CELSR2: variants seen among roughly 807,000 people sequenced by gnomAD.
The protein encoded by CELSR2 is cadherin EGF LAG seven-pass G-type receptor 2, also known as EGF-like protein 2.
Under a neutral mutation model 251.6 loss-of-function variants are expected in CELSR2, and 81 were observed. The observed-to-expected ratio is 0.32, with a 90% CI of 0.27 to 0.39. The LOEUF (loss-of-function observed/expected upper bound fraction) is 0.39. Among genes scored for constraint, CELSR2 ranks in the 10% least tolerant of loss-of-function variants. The pLI, the probability that CELSR2 is intolerant of heterozygous loss-of-function variation, is 1.00. For missense variants in CELSR2, 3,365 were observed against 3,947.7 expected, an observed-to-expected ratio of 0.85 and a Z score of 3.96; for synonymous variants, 1,721 against 1,670.5, an observed-to-expected ratio of 1.03 and a Z score of -0.74.
rs764166933 is a variant in CELSR2, at chr1:109,251,371, A to G, written c.1292A>G (p.Asn431Ser). Residue 431 changes from asparagine to serine, a missense_variant, in exon 1 of 34, where the codon AAT (asparagine) becomes AGT (serine). Asn to Ser is a conservative substitution (Grantham distance 46). Transcript: ENST00000271332. The surrounding 1 kb of genome is among the most constrained non-coding windows in gnomAD (Gnocchi z 4.9). ...VTASDRDKGS[N>S]AVVHYSIMSG... is the part of the protein sequence containing the mutation. ...GCCTCGGATCGAGACAAGGGGAGCA[A>G]TGCCGTGGTGCACTATAGCATCATG... The G allele has an allele frequency of 8.1e-6, 13 of 1,614,064 alleles. No individual in the cohort carries two copies. The South Asian group carries it at 1.1e-4, about 14-fold the overall frequency.
Position 109,251,255 on chromosome 1 carries a change from C to T in CELSR2, c.1176C>T (p.Asp392=). ...CTGTTTTCCTTTCTGTGGAGGATGA[C>T]AATGATAATGCCCCCCAGTTTAGTG... ...TAAVFLSVED[D]NDNAPQFSEK... The change falls in exon 1 of 34, where the codon GAC becomes GAT. Residue 392 remains aspartate, a synonymous_variant. Transcript: ENST00000271332. This position sits in a 1 kb window ranked among gnomAD's most constrained non-coding sequence, Gnocchi z 4.9. 6.2e-7 allele frequency: 1 copy of T among 1,614,106 alleles called. No individual in the cohort carries two copies. The highest frequency in any genetic ancestry group is 1.1e-5 in the South Asian group (1 of 91,070).
At chr1:109,272,589 C>A (rs75951814) in intron 29 of CELSR2, 51 bp from the exon 30 acceptor site, 78,524 of 1,557,710 alleles carry the variant, frequency 0.05, 2,642 homozygotes, top group Admixed American at 0.12. Flanking sequence ...GAGACTGGGA[C>A]CCTGGGCAAG....
chr1:109,255,986 G>A (rs1655831719), intron 1 of CELSR2, among the ~76,000 whole-genome samples: 1 of 152,194 alleles, frequency 6.6e-6, no homozygotes, highest in African/African-American at 2.4e-5. Context: ...AGGGCTGAGG[G>A]GTGGCAAAGT....
rs1398725816 is a variant in CELSR2 at position 109,258,884 on chromosome 1, T to A, written c.3763T>A (p.Phe1255Ile). 23 of 1,612,396 alleles carry A rather than the reference T, an allele frequency of 1.4e-5. No individual in the cohort carries two copies. Among genetic ancestry groups the A allele is most frequent in the Non-Finnish European group, 2.0e-5 (23 of 1,179,450 alleles). The change falls in exon 2 of 34, where the codon TTC (phenylalanine) becomes ATC (isoleucine). Residue 1255 changes from phenylalanine (F) to isoleucine (I), a missense_variant. By Grantham distance (21) the Phe-to-Ile change is conservative. Transcript: ENST00000271332. The part of the protein sequence containing the change: ...SVLRFDSSAP[F>I]IASSSVLFRP... Reference sequence around the variant, plus strand: ...GCTGCGCTTCGACTCCTCCGCGCCCTTCATCGCCTCCTCCTCCGTGCTCTT... The same window carrying A: ...GCTGCGCTTCGACTCCTCCGCGCCCATCATCGCCTCCTCCTCCGTGCTCTT...
rs1439398168 is a variant in CELSR2 at position 109,273,669 on chromosome 1, G to A, written c.8743G>A (p.Glu2915Lys). The A allele has an allele frequency of 5.2e-6, 7 of 1,344,214 alleles. No homozygotes were observed. Among genetic ancestry groups the A allele is most frequent in the East Asian group, 2.6e-5 (1 of 39,024 alleles). 83.3% of individuals were successfully genotyped at this position (1,344,214 alleles called of 1,614,324 possible). The change falls in exon 33 of 34, where the codon GAA becomes AAA. Residue 2915 changes from glutamate to lysine, a missense_variant and splice_region_variant. Physicochemically the swap from Glu to Lys is moderately conservative, Grantham distance 56 (BLOSUM62 1). Around this residue, in one of 5 missense-constraint regions of CELSR2, gnomAD observed 2,093 missense variants for 2,382.8 expected, o/e 0.88. Transcript: ENST00000271332. ...GTVDEDSSGS[E>K]FLFFNFLH Reference sequence around the variant, plus strand: ...GGTGGATGAGGACTCGTCAGGCTCCGAGTGAGTGTGGCCGGGTGGGCGGGA... The same window carrying A: ...GGTGGATGAGGACTCGTCAGGCTCCAAGTGAGTGTGGCCGGGTGGGCGGGA...
chr1:109,272,454 A>G (rs570604922), intron 29 of CELSR2, 49 bp downstream of exon 29: 12 of 1,575,492 alleles, frequency 7.6e-6, no homozygotes, highest in African/African-American at 6.7e-5. Flanking sequence ...GGGCCCACGC[A>G]TGCTGGACCC....
chr1:109,273,932 C>T, intron 33 of CELSR2, 90 bp from the exon 34 acceptor site: 2 of 1,536,918 alleles, frequency 1.3e-6, no homozygotes, highest in Non-Finnish European at 1.8e-6. Context: ...TTTCCTGTTT[C>T]CTTCGTCTGG....
Position 109,269,330 on chromosome 1 carries a change from C to A in CELSR2, c.6812+40C>A. ...GACAGGTGTGGGTAGGGGTATGGGTCGGGCGGTGAGTGCTGAGGCATGGAG... is the reference window on the plus strand; with the variant it reads ...GACAGGTGTGGGTAGGGGTATGGGTAGGGCGGTGAGTGCTGAGGCATGGAG... On this transcript the variant is annotated intron_variant, in intron 20 of 33. Coordinates refer to ENST00000271332, the MANE Select transcript of CELSR2 (RefSeq NM_001408.3). This position sits in a 1 kb window ranked among gnomAD's most constrained non-coding sequence, Gnocchi z 6.4. The A allele has an allele frequency of 6.2e-7, 1 of 1,611,444 alleles. No homozygotes were observed. Among genetic ancestry groups the A allele is most frequent in the South Asian group, 1.1e-5 (1 of 90,888 alleles).
At position 109,269,849 on chromosome 1, in the gene CELSR2, C is replaced by A. The variant is rs370030340; in HGVS notation, c.7107+29C>A. On this transcript the variant is annotated intron_variant, in intron 22 of 33. Coordinates refer to ENST00000271332, the MANE Select transcript of CELSR2 (RefSeq NM_001408.3). This position sits in a 1 kb window ranked among gnomAD's most constrained non-coding sequence, Gnocchi z 6.4. ...GGGCCCACAGGGGCAGCTGCAGAGC[C>A]GTGGGTGGGCACCCAGGGCACGGGG... The A allele has an allele frequency of 2.5e-6, 4 of 1,612,898 alleles. No homozygotes were observed. In the Admixed American group the frequency reaches 5.0e-5, roughly 20 times the overall value.
At position 109,252,622 on chromosome 1, in the gene CELSR2, G is replaced by A. The variant is rs1026244756; in HGVS notation, c.2543G>A (p.Gly848Asp). 1 of 1,613,720 alleles carries A rather than the reference G, an allele frequency of 6.2e-7. No individual in the cohort carries two copies. Among genetic ancestry groups the A allele is most frequent in the Non-Finnish European group, 8.5e-7 (1 of 1,180,050 alleles). Residue 848 changes from glycine (G) to aspartate (D), a missense_variant, in exon 1 of 34, where the codon GGC (glycine) becomes GAC (aspartate). Around this residue, in one of 5 missense-constraint regions of CELSR2, gnomAD observed 505 missense variants for 660.0 expected, o/e 0.77. Transcript: ENST00000271332. This position sits in a 1 kb window ranked among gnomAD's most constrained non-coding sequence, Gnocchi z 4.8. ...SATDRDSGLN[G>D]RVFYTFQGGD... ...ACTGATCGTGATTCTGGACTTAATGGCAGGGTCTTCTACACCTTCCAAGGA... is the reference window on the plus strand; with the variant it reads ...ACTGATCGTGATTCTGGACTTAATGACAGGGTCTTCTACACCTTCCAAGGA...
At chr1:109,256,799 A>C (rs1570779338) in intron 1 of CELSR2, among the ~76,000 whole-genome samples, 1 of 152,094 alleles carries the variant, frequency 6.6e-6, no homozygotes, top group African/African-American at 2.4e-5. Flanking sequence ...AGCTGAGATT[A>C]CAGGCACCCA....
Position 109,256,736 on chromosome 1 carries a change from G to T in CELSR2, c.3311-1696G>T, listed in dbSNP as rs561792692. Among the ~76,000 whole-genome samples the T allele has an allele frequency of 3.9e-5, 6 of 152,246 alleles. No homozygotes were observed. In the South Asian group the frequency reaches 1.2e-3, roughly 32 times the overall value. The stretch of plus-strand genomic sequence containing the variant: ...GGCTCACTGCAACCTCTGCCTCCTG[G>T]GTTCAAGCAATTCTCCTGCCTCAGC... On this transcript the variant is annotated intron_variant, in intron 1 of 33. Transcript: ENST00000271332.
chr1:109,258,434 G>A lies in CELSR2; in HGVS notation c.3313G>A (p.Gly1105Ser), dbSNP rs372690638. The stretch of plus-strand genomic sequence containing the variant: ...CCTGACTGTGTCCCTCTCCACAGAC[G>A]GCGTACACAGCGTGACCGCCCAGTG... The part of the protein sequence containing the change: ...EAIMSVLVSD[G>S]VHSVTAQCAL... The change falls in exon 2 of 34, where the codon GGC becomes AGC. Residue 1105 changes from glycine (G) to serine (S), a missense_variant and splice_region_variant. Around this residue, in one of 5 missense-constraint regions of CELSR2, gnomAD observed 505 missense variants for 660.0 expected, o/e 0.77. Transcript: ENST00000271332. The A allele has an allele frequency of 1.9e-5, 30 of 1,576,526 alleles. No individual in the cohort carries two copies. In the African/African-American group the frequency reaches 2.6e-4, roughly 13 times the overall value.
At position 109,271,521 on chromosome 1, in the gene CELSR2, C is replaced by T. The variant is rs772966405; in HGVS notation, c.7803+9C>T. 1.2e-6 allele frequency: 2 copies of T among 1,614,150 alleles called. No homozygotes were observed. The highest frequency in any genetic ancestry group is 1.7e-6 in the Non-Finnish European group (2 of 1,180,008). On this transcript the variant is annotated intron_variant, in intron 27 of 33. Transcript: ENST00000271332. ...CCTGCAATTGCATCCAGGTACCTGG[C>T]CCAGCCTGTGGAGAAGGGAGGCACC...
intron 15 of CELSR2, among the ~76,000 whole-genome samples, chr1:109,267,347 G>A (rs1027268637): frequency 6.6e-6 from 1 of 152,204 alleles, no homozygotes; most frequent in Non-Finnish European, 1.5e-5. Context: ...TGTTCCCCTA[G>A]AGCCCATGTG....
chr1:109,260,529 G>A (rs1271096881), intron 2 of CELSR2, among the ~76,000 whole-genome samples: 2 of 152,176 alleles, frequency 1.3e-5, no homozygotes, highest in Non-Finnish European at 2.9e-5. Context: ...CCATCCCCAG[G>A]GAGGGAAACT....
rs112780561 is a variant in CELSR2 at position 109,253,795 on chromosome 1, C to A, written c.3310+406C>A. On this transcript the variant is annotated intron_variant, in intron 1 of 33. Coordinates refer to ENST00000271332, the MANE Select transcript of CELSR2 (RefSeq NM_001408.3). ...AGGAGGCGAGGCCAGGGCCCCTTCA[C>A]CCCCATCAAGATATTCCTGCAGTCT... 1.5e-3 allele frequency among the ~76,000 whole-genome samples: 236 copies of A among 152,292 alleles called. 1 individual carries two copies. Among genetic ancestry groups the A allele is most frequent in the African/African-American group, 5.4e-3 (225 of 41,564 alleles).
At position 109,252,238 on chromosome 1, in the gene CELSR2, A is replaced by G. The variant is rs769306854; in HGVS notation, c.2159A>G (p.Asn720Ser). The G allele has an allele frequency of 3.7e-6, 6 of 1,613,386 alleles. No homozygotes were observed. The highest frequency in any genetic ancestry group is 1.3e-5 in the African/African-American group (1 of 74,932). Residue 720 changes from asparagine (N) to serine (S), a missense_variant, in exon 1 of 34, where the codon AAT becomes AGT. Coordinates refer to ENST00000271332, the MANE Select transcript of CELSR2 (RefSeq NM_001408.3). The surrounding 1 kb of genome is among the most constrained non-coding windows in gnomAD (Gnocchi z 4.8). ...TTTCAGAGCTCCCACTATACAGTGA[A>G]TGTTAATGAGGACCGGCCGGCAGGC... The part of the protein sequence containing the change: ...PVFQSSHYTV[N>S]VNEDRPAGTT...
rs375276801 is a variant in CELSR2 at position 109,270,408 on chromosome 1, C to T, written c.7309-18C>T. The T allele has an allele frequency of 2.4e-5, 38 of 1,613,670 alleles. No individual in the cohort carries two copies. In the Admixed American group the frequency reaches 2.5e-4, roughly 11 times the overall value. On this transcript the variant is annotated intron_variant, in intron 23 of 33. Coordinates refer to ENST00000271332, the MANE Select transcript of CELSR2 (RefSeq NM_001408.3). ...GGGCGGGCCCCGGTCGCTGACCTGC[C>T]CTGGCCTGGGCCCTCAGTTTGCCTG...
Sources: gnomAD v4.1 joint callset for allele counts (sites outside exome capture counted in the v4.1 genomes callset) on GRCh38, gnomAD v4.1.1 for gene constraint, gnomAD v4.1.1 regional missense constraint, Gnocchi (gnomAD v3.1) non-coding constraint, MANE v1.5 for transcripts, NCBI Gene and HGNC (gene_info 2026-07-23, HGNC 2026-07-21) for gene names.